KDM6B: variants seen among roughly 807,000 people sequenced by gnomAD.
KDM6B encodes the protein lysine demethylase 6B, also known as lysine-specific demethylase 6B.
KDM6B carries 22 observed loss-of-function variants against 150.4 expected under a neutral mutation model. The observed-to-expected ratio is 0.15, with a 90% CI of 0.10 to 0.21. The LOEUF (loss-of-function observed/expected upper bound fraction) is 0.21, where lower values mean the gene tolerates loss of function less well. KDM6B is among the 10% of genes least tolerant of loss of function. The probability of loss-of-function intolerance (pLI) is 1.00; values close to 1 mark genes in which losing one functional copy is unlikely to be tolerated. For synonymous variants in KDM6B, 1,148 were observed against 921.1 expected (o/e 1.25, Z -4.46); for missense variants, 1,984 against 2,234.3 (o/e 0.89, Z 2.26).
rs371340269 is a variant in KDM6B at position 7,853,474 on chromosome 17, C to T, written c.4909-24C>T. ...GAGCCCGGCCGCGCCTTTCCCTGAG[C>T]CCCCGCCGGCTTTCTCCCCCCAGGC... On this transcript the variant is annotated intron_variant, in intron 23 of 23. Transcript: ENST00000448097. 23 of 1,503,838 alleles carry T rather than the reference C, an allele frequency of 1.5e-5. No homozygotes were observed. The East Asian group carries it at 2.0e-4, about 13-fold the overall frequency. The allele number at this position is 1,503,838 out of a possible 1,614,324, so 93.2% of individuals were successfully genotyped here.
chr17:7,852,044 C>T lies in KDM6B; in HGVS notation c.4259C>T (p.Thr1420Ile), dbSNP rs201258301. The T allele has an allele frequency of 4.3e-5, 70 of 1,614,030 alleles. No homozygotes were observed. In the East Asian group the frequency reaches 1.4e-3, roughly 33 times the overall value. Residue 1420 changes from threonine (T) to isoleucine (I), a missense_variant, in exon 19 of 24, where the codon ACC becomes ATC. By Grantham distance (89) the Thr-to-Ile change is moderately conservative (BLOSUM62 -1). Coordinates refer to ENST00000448097, the MANE Select transcript of KDM6B (RefSeq NM_001348716.2). ...GCGGTGCACGAGCACTACTGGGAGA[C>T]CATCAGCGCTTTCTGTGATCGGTGC... is the stretch of plus-strand genomic sequence containing the variant. ...WFAVHEHYWETISAFCDRHGV... is the reference protein window; with the variant it reads ...WFAVHEHYWEIISAFCDRHGV...
intron 23 of KDM6B, 58 bp downstream of exon 23, chr17:7,853,438 A>G (rs1196640820): frequency 5.2e-6 from 8 of 1,528,258 alleles, no homozygotes; most frequent in Non-Finnish European, 7.0e-6. Context: ...GGCTGCAGGG[A>G]CGGGCTTCGG....
intron 1 of KDM6B, among the ~76,000 whole-genome samples, chr17:7,837,303 A>G (rs115105892): frequency 1.7e-4 from 26 of 151,832 alleles, no homozygotes; most frequent in African/African-American, 6.3e-4. Flanking sequence ...GGGGTTCACT[A>G]CACACCAGCT....
intron 1 of KDM6B, among the ~76,000 whole-genome samples, chr17:7,835,187 G>A (rs1229201386): frequency 6.6e-6 from 1 of 152,170 alleles, no homozygotes. Context: ...AGAAGACGGG[G>A]AGGGGGCTGG....
chr17:7,847,571 C>T lies in KDM6B; in HGVS notation c.1283C>T (p.Pro428Leu). ...GIPGADHYQT[P>L]ALEVSHHGRL... is the part of the protein sequence containing the mutation. ...CCCGGCGCTGACCATTACCAAACTCCCGCGCTGGAGGTCTCTCACCATGGC... is the reference window on the plus strand; with the variant it reads ...CCCGGCGCTGACCATTACCAAACTCTCGCGCTGGAGGTCTCTCACCATGGC... Residue 428 changes from proline to leucine, a missense_variant, in exon 12 of 24, where the codon CCC becomes CTC. By Grantham distance (98) the Pro-to-Leu change is moderately conservative. Transcript: ENST00000448097. The T allele has an allele frequency of 1.2e-6, 2 of 1,613,334 alleles. No homozygotes were observed. Among genetic ancestry groups the T allele is most frequent in the South Asian group, 1.1e-5 (1 of 91,070 alleles).
At position 7,849,713 on chromosome 17, in the gene KDM6B, T is replaced by TCGTG; in HGVS notation, c.3428_3431dup (p.Ser1146ArgfsTer29). On this transcript the variant is annotated frameshift_variant, in exon 12 of 24. Coordinates refer to ENST00000448097, the MANE Select transcript of KDM6B (RefSeq NM_001348716.2). LOFTEE classifies it high-confidence loss of function. ...ACCATCAGCCACTGTGCTGCTGACG[T>TCGTG]CGTGCGCGCCAGCAGGTGAGTCGGC... 1 of 1,611,418 alleles carries TCGTG rather than the reference T, an allele frequency of 6.2e-7. No homozygotes were observed. The highest frequency in any genetic ancestry group is 8.5e-7 in the Non-Finnish European group (1 of 1,179,914).
chr17:7,835,511 C>G (rs2078317139), intron 1 of KDM6B, among the ~76,000 whole-genome samples: 1 of 151,896 alleles, frequency 6.6e-6, no homozygotes, highest in Non-Finnish European at 1.5e-5. Context: ...CCTTCCCTCC[C>G]CTGGGTTGCT....
Position 7,847,853 on chromosome 17 carries a change from G to A in KDM6B, c.1565G>A (p.Arg522His), listed in dbSNP as rs776929385. The A allele has an allele frequency of 7.3e-5, 82 of 1,124,412 alleles. No individual in the cohort carries two copies. The highest frequency in any genetic ancestry group is 1.7e-4 in the South Asian group (12 of 69,488). 69.7% of individuals were successfully genotyped at this position (1,124,412 alleles called of 1,614,324 possible). Residue 522 changes from arginine to histidine, a missense_variant, in exon 12 of 24, where the codon CGC (arginine) becomes CAC (histidine). Physicochemically the swap from Arg to His is conservative, Grantham distance 29 (BLOSUM62 0). This residue lies in a region of KDM6B where 1,379 missense variants were observed against 1,275.6 expected (regional missense o/e 1.08). Transcript: ENST00000448097. ...CCTGCCCCACCACCCCTCCCCCATCGCGAGGGCTTCTTGGGGCCTCCGGCC... is the reference window on the plus strand; with the variant it reads ...CCTGCCCCACCACCCCTCCCCCATCACGAGGGCTTCTTGGGGCCTCCGGCC... ...PRPAPPPLPH[R>H]EGFLGPPASR...
rs555688073 is a variant in KDM6B, at chr17:7,841,865, C to T, written c.-269+1841C>T. On this transcript the variant is annotated intron_variant, in intron 2 of 23. Transcript: ENST00000448097. ...GCCTGCCCGGGTGGCTGAGTCACAG[C>T]GGAGCCTCAGCCGGCGGCCCTCCCC... Among the ~76,000 whole-genome samples, 5 of 152,268 alleles carry T rather than the reference C, an allele frequency of 3.3e-5. No homozygotes were observed. The South Asian group carries it at 1.0e-3, about 32-fold the overall frequency.
rs555772294 is a variant in KDM6B at position 7,836,091 on chromosome 17, C to G, written c.-388+1741C>G. 2.0e-5 allele frequency among the ~76,000 whole-genome samples: 3 copies of G among 152,332 alleles called. No homozygotes were observed. In the East Asian group the frequency reaches 5.8e-4, roughly 29 times the overall value. ...TTCCCAAGAGAAAGCGAGCGGGTAC[C>G]AGCGCCCCTTCCCAAGGCTTCTCCC... On this transcript the variant is annotated intron_variant, in intron 1 of 23. Coordinates refer to ENST00000448097, the MANE Select transcript of KDM6B (RefSeq NM_001348716.2).
At chr17:7,835,765 C>T (rs2078323899) in intron 1 of KDM6B, among the ~76,000 whole-genome samples, 1 of 151,504 alleles carries the variant, frequency 6.6e-6, no homozygotes, top group Admixed American at 6.6e-5. Context: ...CCCTGCGCCG[C>T]ACGCGCCCGA....
intron 14 of KDM6B, 63 bp downstream of exon 14, chr17:7,850,240 C>G: frequency 5.3e-6 from 7 of 1,323,860 alleles, no homozygotes; most frequent in Non-Finnish European, 6.4e-6. Flanking sequence ...GTAGGACCCT[C>G]TGAGAAATCC....
At chr17:7,838,644 G>A (rs2078369893) in intron 1 of KDM6B, among the ~76,000 whole-genome samples, 1 of 127,148 alleles carries the variant, frequency 7.9e-6, no homozygotes, top group Non-Finnish European at 1.6e-5. Flanking sequence ...CCTCCTCTTG[G>A]TCTGTCCTAA....
At position 7,848,383 on chromosome 17, in the gene KDM6B, A is replaced by G. The variant is rs748943547; in HGVS notation, c.2095A>G (p.Met699Val). The G allele has an allele frequency of 1.2e-6, 2 of 1,612,920 alleles. No homozygotes were observed. The highest frequency in any genetic ancestry group is 2.7e-5 in the African/African-American group (2 of 74,898). ...KILPDGLANI[M>V]KMLDESIRKE... The stretch of plus-strand genomic sequence containing the variant: ...CCTACCTGATGGGCTGGCCAACATC[A>G]TGAAGATGCTGGACGAATCCATTCG... The change falls in exon 12 of 24, where the codon ATG becomes GTG. Residue 699 changes from methionine (M) to valine (V), a missense_variant. Transcript: ENST00000448097.
At position 7,847,435 on chromosome 17, in the gene KDM6B, G is replaced by A. The variant is rs534894214; in HGVS notation, c.1240G>A (p.Glu414Lys). 5.1e-5 allele frequency: 82 copies of A among 1,613,730 alleles called. No individual in the cohort carries two copies. In the Middle Eastern group the frequency reaches 1.3e-3, roughly 26 times the overall value. ...SSSNTGLRGV[E>K]PNPGIPGADH... The stretch of plus-strand genomic sequence containing the variant: ...CAGCAACACTGGTCTCCGGGGCGTG[G>A]AGCCGAACCCAGGCATTGTGAGTGA... The change falls in exon 11 of 24, where the codon GAG becomes AAG. Residue 414 changes from glutamate to lysine, a missense_variant. By Grantham distance (56) the Glu-to-Lys change is moderately conservative. Coordinates refer to ENST00000448097, the MANE Select transcript of KDM6B (RefSeq NM_001348716.2).
chr17:7,836,115 C>T (rs773971340), intron 1 of KDM6B, among the ~76,000 whole-genome samples: 31 of 152,254 alleles, frequency 2.0e-4, no homozygotes, highest in Non-Finnish European at 3.4e-4. Flanking sequence ...AAGGCTTCTC[C>T]CGCCCGGGCC....
At position 7,848,596 on chromosome 17, in the gene KDM6B, A is replaced by C. The variant is rs142494079; in HGVS notation, c.2308A>C (p.Lys770Gln). 9.5e-5 allele frequency: 152 copies of C among 1,599,400 alleles called. No individual in the cohort carries two copies. The highest frequency in any genetic ancestry group is 2.3e-4 in the East Asian group (10 of 44,010). The change falls in exon 12 of 24, where the codon AAG becomes CAG. Residue 770 changes from lysine to glutamine, a missense_variant. By Grantham distance (53) the Lys-to-Gln change is moderately conservative. Transcript: ENST00000448097. ...TTTATQEEEK[K>Q]PPPALPPPPP... Reference sequence around the variant, plus strand: ...CACGGCCACCCAGGAAGAGGAGAAGAAGCCACCACCAGCCCTACCACCACC... The same window carrying C: ...CACGGCCACCCAGGAAGAGGAGAAGCAGCCACCACCAGCCCTACCACCACC...
Position 7,846,924 on chromosome 17 carries a change from C to A in KDM6B, c.817C>A (p.Pro273Thr). The change falls in exon 10 of 24, where the codon CCA (proline) becomes ACA (threonine). Residue 273 changes from proline (P) to threonine (T), a missense_variant. Physicochemically the swap from Pro to Thr is conservative, Grantham distance 38 (BLOSUM62 -1). Around this residue, in one of 13 missense-constraint regions of KDM6B, gnomAD observed 1,379 missense variants for 1,275.6 expected, o/e 1.08. Transcript: ENST00000448097. Reference protein sequence around the residue: ...PPLPGLATSPPFQLTKPGLWS... With the variant: ...PPLPGLATSPTFQLTKPGLWS... ...CCTGCCTGGCCTGGCTACCAGCCCC[C>A]CATTTCAGCTAACCAAGCCAGGGCT... The A allele has an allele frequency of 6.3e-7, 1 of 1,575,984 alleles. No individual in the cohort carries two copies. Among genetic ancestry groups the A allele is most frequent in the Non-Finnish European group, 8.6e-7 (1 of 1,158,974 alleles).
intron 1 of KDM6B, among the ~76,000 whole-genome samples, chr17:7,834,919 C>T (rs1211692959): frequency 6.6e-6 from 1 of 152,040 alleles, no homozygotes. Context: ...CCCCGCTAGC[C>T]TCCTCATCCC....
Sources: allele counts gnomAD v4.1 joint callset (sites outside exome capture counted in the v4.1 genomes callset), GRCh38; gene constraint gnomAD v4.1.1; regional missense constraint gnomAD v4.1.1; transcripts MANE v1.5; gene names NCBI Gene and HGNC (gene_info 2026-07-23, HGNC 2026-07-21).